Variants in DMD observed in about 807,000 individuals in gnomAD.
DMD encodes the protein dystrophin, also known as mutant dystrophin.
Under a neutral mutation model 330.1 loss-of-function variants are expected in DMD, and 63 were observed. The observed-to-expected ratio is 0.19, with a 90% CI of 0.16 to 0.24. The LOEUF (loss-of-function observed/expected upper bound fraction) is 0.24. Ranked by LOEUF, DMD falls within the 10% of genes least tolerant of loss-of-function variation. The pLI is 1.00. For synonymous variants in DMD, 1,223 were observed against 959.8 expected (o/e 1.27, Z -5.07); for missense variants, 3,344 against 2,684.1 (o/e 1.25, Z -5.43).
At chrX:31,178,431 G>C (rs1016490052) in intron 70 of DMD, 2 of 916,259 alleles carry the variant, frequency 2.2e-6, no homozygotes, top group Admixed American at 5.8e-5. Context: ...ATTGTGTTGT[G>C]GTTTTTTTTT....
chrX:32,877,874 A>G (rs1422275687), intron 2 of DMD, among the ~76,000 whole-genome samples: 1 of 111,700 alleles, frequency 9.0e-6, no homozygotes. Context: ...TGAGGCTGGC[A>G]CTTTGCCTGC....
intron 1 of DMD, among the ~76,000 whole-genome samples, chrX:33,177,676 G>A (rs985885560): frequency 8.9e-5 from 10 of 111,922 alleles, no homozygotes; most frequent in East Asian, 2.8e-4. Context: ...GTGAGCCACC[G>A]CGCCCGACCT....
chrX:31,594,814 GTTTACACAT>G (rs935652284), intron 55 of DMD, among the ~76,000 whole-genome samples: 1 of 111,017 alleles, frequency 9.0e-6, no homozygotes. Flanking sequence ...TTCTTTAATG[GTTTACACAT>G]TGAAGGGAAG....
At chrX:32,190,559 T>C (rs866568938) in intron 44 of DMD, among the ~76,000 whole-genome samples, 1 of 80,249 alleles carries the variant, frequency 1.2e-5, no homozygotes. Flanking sequence ...TTTATATATA[T>C]ATATATATAT....
chrX:32,008,449 G>A (rs2095679709), intron 44 of DMD, among the ~76,000 whole-genome samples: 1 of 110,884 alleles, frequency 9.0e-6, no homozygotes, highest in Non-Finnish European at 1.9e-5. Context: ...TTACAGGTGA[G>A]GTAATTGAGG....
At chrX:31,818,494 ACATAAACT>A (rs2092685569) in intron 50 of DMD, among the ~76,000 whole-genome samples, 1 of 111,302 alleles carries the variant, frequency 9.0e-6, no homozygotes. Context: ...CTTATATGGG[ACATAAACT>A]CATGAGTTCA....
At chrX:33,266,860 C>A (rs764833231) in intron 1 of DMD, among the ~76,000 whole-genome samples, 1 of 110,752 alleles carries the variant, frequency 9.0e-6, no homozygotes, top group South Asian at 3.9e-4. Flanking sequence ...ATAATAAGAA[C>A]CATCTATGAC....
chrX:33,174,721 A>T (rs2049552896), intron 1 of DMD, among the ~76,000 whole-genome samples: 2 of 112,001 alleles, frequency 1.8e-5, no homozygotes, highest in Non-Finnish European at 3.8e-5. Flanking sequence ...GGATTGAAAT[A>T]AGAAGGAAAT....
intron 34 of DMD, among the ~76,000 whole-genome samples, chrX:32,367,383 G>C (rs183287912): frequency 1.8e-5 from 2 of 112,065 alleles, no homozygotes; most frequent in Non-Finnish European, 3.8e-5. Context: ...CAGTCTACTG[G>C]CATCTCGCTG....
intron 30 of DMD, among the ~76,000 whole-genome samples, chrX:32,402,438 T>C (rs756812972): frequency 9.9e-5 from 11 of 111,220 alleles, no homozygotes; most frequent in Non-Finnish European, 1.9e-4. Flanking sequence ...AATCCAACTT[T>C]AGGACATTTT....
intron 4 of DMD, 50 bp from the exon 5 acceptor site, chrX:32,823,437 G>A: frequency 1.2e-6 from 1 of 807,951 alleles, no homozygotes; most frequent in Non-Finnish European, 1.9e-6. Context: ...CAAATGCCTA[G>A]TTGCAATAAT....
chrX:33,072,020 A>G (rs1078181), intron 1 of DMD, among the ~76,000 whole-genome samples: 3,599 of 112,434 alleles, frequency 0.032, 129 homozygotes, highest in African/African-American at 0.11. Flanking sequence ...GACAAAAATG[A>G]AGCCAGCTAG....
At chrX:31,855,481 C>T (rs1053440481) in intron 48 of DMD, among the ~76,000 whole-genome samples, 5 of 112,136 alleles carry the variant, frequency 4.5e-5, no homozygotes, top group African/African-American at 1.6e-4. Context: ...TATTATTAAA[C>T]ACTAGAAGTT....
chrX:32,755,547 C>A (rs2071400511), intron 7 of DMD, among the ~76,000 whole-genome samples: 1 of 111,777 alleles, frequency 8.9e-6, no homozygotes, highest in African/African-American at 3.2e-5. Flanking sequence ...AATATTTGCT[C>A]TTTGAGGAGT....
intron 25 of DMD, among the ~76,000 whole-genome samples, chrX:32,457,038 C>T (rs369636842): frequency 9.6e-6 from 1 of 103,816 alleles, no homozygotes; most frequent in East Asian, 3.0e-4. Flanking sequence ...TAAGTTGACC[C>T]GGAGAGTGGG....
intron 60 of DMD, among the ~76,000 whole-genome samples, chrX:31,382,323 C>A (rs1051279280): frequency 4.5e-5 from 5 of 111,295 alleles, no homozygotes; most frequent in African/African-American, 6.6e-5. Context: ...TTCCAGACAC[C>A]AGACCAACTT....
At chrX:32,642,915 G>C (rs1451723885) in intron 11 of DMD, among the ~76,000 whole-genome samples, 1 of 111,104 alleles carries the variant, frequency 9.0e-6, no homozygotes, top group Non-Finnish European at 1.9e-5. Flanking sequence ...TTTGTTTGAG[G>C]TTGCTTTAAG....
chrX:32,719,348 T>C (rs2066033792), intron 7 of DMD, among the ~76,000 whole-genome samples: 1 of 112,105 alleles, frequency 8.9e-6, no homozygotes, highest in Non-Finnish European at 1.9e-5. Context: ...AAATCAGCAC[T>C]GAGCTTTCAT....
intron 7 of DMD, among the ~76,000 whole-genome samples, chrX:32,732,721 T>A (rs1426105418): frequency 9.0e-6 from 1 of 110,627 alleles, no homozygotes; most frequent in East Asian, 2.8e-4. Flanking sequence ...CTGAGAGATT[T>A]TGTCACCACC....
Sources: allele counts gnomAD v4.1 joint callset (sites outside exome capture counted in the v4.1 genomes callset), GRCh38; gene constraint gnomAD v4.1.1; transcripts MANE v1.5; gene names NCBI Gene and HGNC (gene_info 2026-07-23, HGNC 2026-07-21).